Variants in ADAMTS13 observed in about 807,000 individuals in gnomAD.
The protein encoded by ADAMTS13 is A disintegrin and metalloproteinase with thrombospondin motifs 13.
Under a neutral mutation model 155.1 loss-of-function variants are expected in ADAMTS13, and 110 were observed. That is an observed-to-expected ratio of 0.71 (90% CI 0.61 to 0.83). The LOEUF (loss-of-function observed/expected upper bound fraction) is 0.83. Among genes scored for constraint, ADAMTS13 ranks in the 40% least tolerant of loss-of-function variants. The pLI is 0.00. For synonymous variants in ADAMTS13, 758 were observed against 756.4 expected, an observed-to-expected ratio of 1.00 and a Z score of -0.03; for missense variants, 1,707 against 1,891.7, an observed-to-expected ratio of 0.90 and a Z score of 1.81.
intron 6 of ADAMTS13, among the ~76,000 whole-genome samples, chr9:133,427,334 TTTTCA>T (rs1339903674): frequency 1.3e-5 from 2 of 152,242 alleles, no homozygotes; most frequent in African/African-American, 4.8e-5. Context: ...GATGGGTTTC[TTTTCA>T]TTTCTTTAGT....
chr9:133,439,420 A>C lies in ADAMTS13; in HGVS notation c.1760A>C (p.Asn587Thr). The change falls in exon 15 of 29, where the codon AAC (asparagine) becomes ACC (threonine). Residue 587 changes from asparagine (N) to threonine (T), a missense_variant. Around this residue, in one of 3 missense-constraint regions of ADAMTS13, gnomAD observed 961 missense variants for 1,107.9 expected, o/e 0.87. Transcript: ENST00000355699. The stretch of plus-strand genomic sequence containing the variant: ...AACCTGACCAGTGTCTACATTGCCA[A>C]CCACAGGCCTCTCTTCACACACTTG... ...TPNLTSVYIANHRPLFTHLAV... is the reference protein window; with the variant it reads ...TPNLTSVYIATHRPLFTHLAV... The C allele has an allele frequency of 6.2e-7, 1 of 1,614,094 alleles. No individual in the cohort carries two copies.
intron 8 of ADAMTS13, among the ~76,000 whole-genome samples, chr9:133,430,709 TTGA>T (rs1840692722): frequency 6.6e-6 from 1 of 150,642 alleles, no homozygotes. Flanking sequence ...TTTTTTTTTT[TTGA>T]GACAGAGTCT....
At position 133,441,947 on chromosome 9, in the gene ADAMTS13, G is replaced by C. The variant is rs1168068912; in HGVS notation, c.1969-452G>C. On this transcript the variant is annotated intron_variant, in intron 16 of 28. Transcript: ENST00000355699. This position sits in a 1 kb window ranked among gnomAD's most constrained non-coding sequence, Gnocchi z 5.0. ...CCAGCCAGCTTAGGGAACCTTCTCT[G>C]TGCTGCCCAAATACCCTATCATGTA... Among the ~76,000 whole-genome samples the C allele has an allele frequency of 6.6e-6, 1 of 152,126 alleles. No individual in the cohort carries two copies. Among genetic ancestry groups the C allele is most frequent in the African/African-American group, 2.4e-5 (1 of 41,420 alleles).
intron 27 of ADAMTS13, among the ~76,000 whole-genome samples, chr9:133,457,475 T>C (rs934145682): frequency 5.9e-5 from 9 of 152,016 alleles, no homozygotes; most frequent in Non-Finnish European, 1.2e-4. Context: ...ACATTGCTTC[T>C]CGCTTCCCGG....
chr9:133,433,380 G>T lies in ADAMTS13; in HGVS notation c.1095G>T (p.Trp365Cys). ...ATGAAGCCATCCTTGCCTTGCAGTG[G>T]TGCTCCAAGGGTCGCTGCCGCTCCC... ...LDGTECGVEK[W>C]CSKGRCRSLV... Residue 365 changes from tryptophan (W) to cysteine (C), a missense_variant and splice_region_variant, in exon 10 of 29, where the codon TGG (tryptophan) becomes TGT (cysteine). By Grantham distance (215) the Trp-to-Cys change is radical (BLOSUM62 -2). This residue lies in a region of ADAMTS13 where 733 missense variants were observed against 749.6 expected (regional missense o/e 0.98). Transcript: ENST00000355699. The T allele has an allele frequency of 1.2e-6, 2 of 1,612,698 alleles. No homozygotes were observed. The highest frequency in any genetic ancestry group is 1.7e-6 in the Non-Finnish European group (2 of 1,179,926).
intron 23 of ADAMTS13, among the ~76,000 whole-genome samples, chr9:133,452,446 A>G (rs1212664005): frequency 6.6e-6 from 1 of 152,154 alleles, no homozygotes; most frequent in Non-Finnish European, 1.5e-5. Context: ...ACCATTTAAC[A>G]TCTGTGTCAC....
chr9:133,456,888 G>A lies in ADAMTS13; in HGVS notation c.3724+169G>A. On this transcript the variant is annotated intron_variant, in intron 27 of 28. Coordinates refer to ENST00000355699, the MANE Select transcript of ADAMTS13 (RefSeq NM_139027.6). This position sits in a 1 kb window ranked among gnomAD's most constrained non-coding sequence, Gnocchi z 4.4. Reference sequence around the variant, plus strand: ...GGCCAGTGTCAGTCTGCACGTGCCAGGGAGGGGTCACAGGATGAATGCTAT... The same window carrying A: ...GGCCAGTGTCAGTCTGCACGTGCCAAGGAGGGGTCACAGGATGAATGCTAT... The A allele has an allele frequency of 1.2e-6, 1 of 846,192 alleles. No individual in the cohort carries two copies. Among genetic ancestry groups the A allele is most frequent in the Non-Finnish European group, 1.9e-6 (1 of 517,134 alleles). The allele number at this position is 846,192 out of a possible 1,614,324, so 52.4% of individuals were successfully genotyped here.
chr9:133,433,584 A>T, intron 10 of ADAMTS13, 55 bp downstream of exon 10: 1 of 1,613,742 alleles, frequency 6.2e-7, no homozygotes, highest in Non-Finnish European at 8.5e-7. Flanking sequence ...CATAGTCCCT[A>T]GTTGAAGGCA....
At chr9:133,416,097 A>C (rs914819919) in intron 1 of ADAMTS13, among the ~76,000 whole-genome samples, 7 of 152,232 alleles carry the variant, frequency 4.6e-5, no homozygotes, top group Admixed American at 4.6e-4. Context: ...GTTGTACAAG[A>C]AGCATGGTGC....
upstream of ADAMTS13, chr9:133,417,671 T>C (rs1554781954): frequency 6.2e-7 from 1 of 1,614,010 alleles, no homozygotes. Flanking sequence ...CCTTTGGAGG[T>C]CGCACCACAG....
intron 15 of ADAMTS13, among the ~76,000 whole-genome samples, chr9:133,439,719 C>T (rs1011411504): frequency 3.3e-5 from 5 of 152,230 alleles, no homozygotes; most frequent in Non-Finnish European, 7.3e-5. Context: ...CCTGATGTCT[C>T]AGGGATGTGA....
At chr9:133,442,239 G>A (rs587740269) in intron 16 of ADAMTS13, among the ~76,000 whole-genome samples, 160 bp from the exon 17 acceptor site, 1 of 152,236 alleles carries the variant, frequency 6.6e-6, no homozygotes, top group South Asian at 2.1e-4. Flanking sequence ...CCAAAGTTTT[G>A]GGTTTACAGG....
rs781834087 is a variant in ADAMTS13, at chr9:133,459,176, C to T, written c.4112C>T (p.Thr1371Ile). 2 of 1,608,290 alleles carry T rather than the reference C, an allele frequency of 1.2e-6. No individual in the cohort carries two copies. The highest frequency in any genetic ancestry group is 1.7e-5 in the Admixed American group (1 of 59,442). Residue 1371 changes from threonine (T) to isoleucine (I), a missense_variant, in exon 29 of 29, where the codon ACC becomes ATC. Transcript: ENST00000355699. ...DPQSWKGKEG[T>I] ...CAGTCCTGGAAGGGAAAGGAAGGAA[C>T]CTGAGGGTCATTGAACATTTGTTCC...
In ADAMTS13 at chr9:133,424,545, G is replaced by T. The variant is rs1048197233; in HGVS notation, c.330+67G>T. 6.4e-7 allele frequency: 1 copy of T among 1,561,842 alleles called. No individual in the cohort carries two copies. Among genetic ancestry groups the T allele is most frequent in the Non-Finnish European group, 8.7e-7 (1 of 1,152,828 alleles). On this transcript the variant is annotated intron_variant, in intron 3 of 28. Coordinates refer to ENST00000355699, the MANE Select transcript of ADAMTS13 (RefSeq NM_139027.6). This position sits in a 1 kb window ranked among gnomAD's most constrained non-coding sequence, Gnocchi z 4.3. ...GGCTGGTGACCAATGTCTGTGGGCT[G>T]GTGTATCTGGTAGTCTGAATACAGT...
At chr9:133,431,656 A>AT (rs1840775611) in intron 8 of ADAMTS13, among the ~76,000 whole-genome samples, 1 of 145,474 alleles carries the variant, frequency 6.9e-6, no homozygotes, top group African/African-American at 2.5e-5. Context: ...ATTTTATTTT[A>AT]TTTATTTATT....
chr9:133,430,695 A>ATTT (rs1186301807), intron 8 of ADAMTS13, among the ~76,000 whole-genome samples: 2 of 44,948 alleles, frequency 4.4e-5, no homozygotes, highest in Non-Finnish European at 1.5e-4. Flanking sequence ...TTTTTTTCCT[A>ATTT]TTTTTTTTTT....
At chr9:133,442,782 G>A (rs1554791310) in intron 18 of ADAMTS13, 39 bp downstream of exon 18, 1 of 1,598,832 alleles carries the variant, frequency 6.3e-7, no homozygotes, top group Non-Finnish European at 8.5e-7. Flanking sequence ...AAGGGGGAGA[G>A]AGGGTTCCGC....
intron 15 of ADAMTS13, among the ~76,000 whole-genome samples, chr9:133,439,739 A>G (rs986398590): frequency 6.6e-6 from 1 of 152,248 alleles, no homozygotes; most frequent in African/African-American, 2.4e-5. Context: ...ACACCCTTCT[A>G]GCATTGGAGC....
In ADAMTS13 at chr9:133,428,735, C is replaced by T; in HGVS notation, c.788C>T (p.Ser263Phe). The change falls in exon 7 of 29, where the codon TCC (serine) becomes TTC (phenylalanine). Residue 263 changes from serine (S) to phenylalanine (F), a missense_variant. Ser to Phe is a radical substitution (Grantham distance 155, BLOSUM62 -2). This residue lies in a region of ADAMTS13 where 733 missense variants were observed against 749.6 expected (regional missense o/e 0.98). Coordinates refer to ENST00000355699, the MANE Select transcript of ADAMTS13 (RefSeq NM_139027.6). ...GCGCCCCGCGCCGGCCTCGCCTGGTCCCCCTGCAGCCGCCGGCAGCTGCTG... is the reference window on the plus strand; with the variant it reads ...GCGCCCCGCGCCGGCCTCGCCTGGTTCCCCTGCAGCCGCCGGCAGCTGCTG... ...GAAPRAGLAW[S>F]PCSRRQLLSL... The T allele has an allele frequency of 2.2e-6, 3 of 1,358,524 alleles. No homozygotes were observed. Among genetic ancestry groups the T allele is most frequent in the Non-Finnish European group, 2.8e-6 (3 of 1,052,652 alleles). The allele number at this position is 1,358,524 out of a possible 1,614,324, so 84.2% of individuals were successfully genotyped here.
Sources: gnomAD v4.1 joint callset for allele counts (sites outside exome capture counted in the v4.1 genomes callset) on GRCh38, gnomAD v4.1.1 for gene constraint, gnomAD v4.1.1 regional missense constraint, Gnocchi (gnomAD v3.1) non-coding constraint, MANE v1.5 for transcripts, NCBI Gene and HGNC (gene_info 2026-07-23, HGNC 2026-07-21) for gene names.